Variants in FBXO11 observed in about 807,000 individuals in gnomAD.
The protein encoded by FBXO11 is F-box protein 11.
In FBXO11, 13 loss-of-function variants were observed where a neutral mutation model predicts 117.0. The observed-to-expected ratio is 0.11, with a 90% confidence interval of 0.07 to 0.18. The LOEUF (loss-of-function observed/expected upper bound fraction) is 0.18, where lower values mean the gene tolerates loss of function less well. FBXO11 is among the 10% of genes least tolerant of loss of function. The probability of loss-of-function intolerance (pLI) is 1.00; values close to 1 mark genes in which losing one functional copy is unlikely to be tolerated. For synonymous variants in FBXO11, 490 were observed against 380.5 expected, an observed-to-expected ratio of 1.29 and a Z score of -3.35; for missense variants, 767 against 1,164.4, an observed-to-expected ratio of 0.66 and a Z score of 4.97.
intron 11 of FBXO11, among the ~76,000 whole-genome samples, chr2:47,824,901 C>CT (rs1671636997): frequency 6.6e-6 from 1 of 152,198 alleles, no homozygotes; most frequent in South Asian, 2.1e-4. Context: ...TGCTTACTCT[C>CT]TTTCCTCTTT....
At chr2:47,866,924 C>G (rs960673860) in intron 1 of FBXO11, among the ~76,000 whole-genome samples, 4 of 152,180 alleles carry the variant, frequency 2.6e-5, no homozygotes, top group Non-Finnish European at 5.9e-5. Flanking sequence ...TGTTCTGACT[C>G]TGCAAAATGT....
At chr2:47,885,771 G>T (rs1676787703) in intron 1 of FBXO11, among the ~76,000 whole-genome samples, 1 of 152,072 alleles carries the variant, frequency 6.6e-6, no homozygotes, top group African/African-American at 2.4e-5. Context: ...GAGACGAAAG[G>T]AGTATGACAA....
intron 1 of FBXO11, among the ~76,000 whole-genome samples, chr2:47,847,270 G>C (rs181720521): frequency 9.8e-4 from 149 of 151,978 alleles, no homozygotes; most frequent in Non-Finnish European, 1.6e-3. Context: ...AAGAAATTAA[G>C]CACTTAGGCT....
Position 47,832,755 on chromosome 2 carries a change from A to G in FBXO11, c.1153+14T>C, listed in dbSNP as rs369408828. ...ACTCAAAATTTTATTGTAAAATATA[A>G]AGAAAACACTAACCTGTACATGTAC... On this transcript the variant is annotated intron_variant, in intron 9 of 22. Transcript: ENST00000403359. 9.3e-6 allele frequency: 15 copies of G among 1,609,370 alleles called. 1 individual carries two copies. In the African/African-American group the frequency reaches 1.3e-4, roughly 14 times the overall value.
intron 1 of FBXO11, among the ~76,000 whole-genome samples, chr2:47,884,744 A>G (rs1676688918): frequency 6.6e-6 from 1 of 152,212 alleles, no homozygotes; most frequent in South Asian, 2.1e-4. Context: ...ATGGGAGATG[A>G]TTATTGATGC....
chr2:47,868,283 A>G (rs910084016), intron 1 of FBXO11, among the ~76,000 whole-genome samples: 27 of 64,504 alleles, frequency 4.2e-4, no homozygotes, highest in Non-Finnish European at 9.4e-4. Context: ...CTCTACCTCC[A>G]AAAAAAAAAA....
intron 1 of FBXO11, among the ~76,000 whole-genome samples, chr2:47,849,890 C>A (rs909502308): frequency 9.9e-5 from 15 of 152,102 alleles, no homozygotes; most frequent in African/African-American, 3.6e-4. Context: ...ATTACAAACA[C>A]TTAAAATAAT....
chr2:47,839,782 A>T lies in FBXO11; in HGVS notation c.233-13T>A. On this transcript the variant is annotated splice_polypyrimidine_tract_variant and intron_variant, in intron 1 of 22. Transcript: ENST00000403359. Reference sequence around the variant, plus strand: ...GGCACATCATCATCTGTTATAAACAAAAGCAATAAGAAAAATTATACCCTT... The same window carrying T: ...GGCACATCATCATCTGTTATAAACATAAGCAATAAGAAAAATTATACCCTT... The T allele has an allele frequency of 3.1e-6, 5 of 1,595,106 alleles. No homozygotes were observed. Among genetic ancestry groups the T allele is most frequent in the Non-Finnish European group, 3.4e-6 (4 of 1,175,082 alleles).
At chr2:47,825,164 C>G (rs1317193012) in intron 11 of FBXO11, among the ~76,000 whole-genome samples, 1 of 152,086 alleles carries the variant, frequency 6.6e-6, no homozygotes, top group Non-Finnish European at 1.5e-5. Context: ...ATGTTTAACT[C>G]TTCAAGAAAA....
intron 1 of FBXO11, among the ~76,000 whole-genome samples, chr2:47,903,297 C>T (rs1174618703): frequency 6.6e-6 from 1 of 152,200 alleles, no homozygotes; most frequent in Non-Finnish European, 1.5e-5. Flanking sequence ...TTCTTTTCCT[C>T]TCTGCTCTGT....
At chr2:47,879,916 G>C (rs1198593324) in intron 1 of FBXO11, among the ~76,000 whole-genome samples, 1 of 151,830 alleles carries the variant, frequency 6.6e-6, no homozygotes, top group East Asian at 1.9e-4. Context: ...ATCTACGGTT[G>C]TATCACACAA....
At chr2:47,884,613 T>C (rs536189094) in intron 1 of FBXO11, among the ~76,000 whole-genome samples, 1 of 152,342 alleles carries the variant, frequency 6.6e-6, no homozygotes, top group South Asian at 2.1e-4. Context: ...TGTGTATGTT[T>C]ATCATTGCTG....
At chr2:47,834,335 G>A (rs1295906759) in intron 7 of FBXO11, among the ~76,000 whole-genome samples, 1 of 151,828 alleles carries the variant, frequency 6.6e-6, no homozygotes, top group East Asian at 1.9e-4. Context: ...GAGTGACATA[G>A]CTAGACTCTG....
At chr2:47,876,220 G>A (rs1022158617) in intron 1 of FBXO11, among the ~76,000 whole-genome samples, 1 of 152,176 alleles carries the variant, frequency 6.6e-6, no homozygotes, top group Non-Finnish European at 1.5e-5. Context: ...AACAAAGCAA[G>A]AATAGTAGCA....
chr2:47,874,867 C>CTTTTTTT (rs377037169), intron 1 of FBXO11, among the ~76,000 whole-genome samples: 2 of 128,898 alleles, frequency 1.6e-5, no homozygotes, highest in African/African-American at 5.7e-5. Flanking sequence ...TGTCTCAGGA[C>CTTTTTTT]TTTTTTTTTT....
intron 1 of FBXO11, among the ~76,000 whole-genome samples, chr2:47,854,864 T>TG (rs1005365442): frequency 1.9e-3 from 21 of 11,210 alleles, no homozygotes; most frequent in South Asian, 7.6e-3. Flanking sequence ...TTTTTTTTTG[T>TG]TTTTTTTTTT....
At chr2:47,808,597 T>A (rs1223581367) in intron 21 of FBXO11, 170 bp from the exon 22 acceptor site, 1 of 526,916 alleles carries the variant, frequency 1.9e-6, no homozygotes, top group African/African-American at 1.9e-5. Flanking sequence ...GTAAGTGATT[T>A]TCCTGTCATC....
Position 47,813,244 on chromosome 2 carries a change from A to G in FBXO11, c.2217T>C (p.Asn739=), listed in dbSNP as rs759472216. 3 of 1,613,598 alleles carry G rather than the reference A, an allele frequency of 1.9e-6. No homozygotes were observed. The highest frequency in any genetic ancestry group is 2.2e-5 in the East Asian group (1 of 44,766). Residue 739 remains asparagine (N), a synonymous_variant, in exon 18 of 23, where the codon AAT becomes AAC. Transcript: ENST00000403359. ...AATTAACAACAATACCTCGACCCCC[A>G]TTAAATATACAGATGCCACCATCTC... is the stretch of plus-strand genomic sequence containing the variant. ...DGRDGGICIF[N]GGRGLLEEND...
In FBXO11 at chr2:47,807,076, T is replaced by C. The variant is rs1670261224; in HGVS notation, c.*1042A>G. On this transcript the variant is annotated 3_prime_UTR_variant, in exon 23 of 23. Coordinates refer to ENST00000403359, the MANE Select transcript of FBXO11 (RefSeq NM_001190274.2). ...GATGTTATGGTACATGCATACACTT[T>C]CAGGCTGTTTTATACCCACTGTCAC... The C allele has an allele frequency of 3.6e-6, 2 of 550,628 alleles. No homozygotes were observed. The highest frequency in any genetic ancestry group is 6.4e-6 in the Non-Finnish European group (2 of 312,598). 34.1% of individuals were successfully genotyped at this position (550,628 alleles called of 1,614,324 possible).
Sources: allele counts gnomAD v4.1 joint callset (sites outside exome capture counted in the v4.1 genomes callset), GRCh38; gene constraint gnomAD v4.1.1; transcripts MANE v1.5; gene names NCBI Gene and HGNC (gene_info 2026-07-23, HGNC 2026-07-21).